The following ENTREP2 variants were observed in gnomAD, a reference collection of about 807,000 sequenced individuals.
ENTREP2 encodes the protein endosomal transmembrane epsin interactor 2, also known as protein ENTREP2.
At chr15:29,162,389 C>T in the ENTREP2 span, among the ~76,000 whole-genome samples, 1 of 152,174 alleles carries the variant, frequency 6.6e-6, no homozygotes, top group Admixed American at 6.5e-5. Context: ...TCTTTTGCAG[C>T]TGGGAGGTGG....
At chr15:29,217,062 AG>A in the ENTREP2 span, among the ~76,000 whole-genome samples, 2 of 152,250 alleles carry the variant, frequency 1.3e-5, no homozygotes, top group African/African-American at 2.4e-5. Flanking sequence ...AAAAGTTAAA[AG>A]GATAAATGGT....
the ENTREP2 span, among the ~76,000 whole-genome samples, chr15:29,372,636 T>C: frequency 6.6e-6 from 1 of 152,178 alleles, no homozygotes; most frequent in Admixed American, 6.6e-5. Context: ...AATCAAATCA[T>C]GGCCACTGTG....
the ENTREP2 span, among the ~76,000 whole-genome samples, chr15:29,512,611 C>T: frequency 6.6e-6 from 1 of 152,258 alleles, no homozygotes; most frequent in Admixed American, 6.5e-5. Flanking sequence ...GAAGAAACAC[C>T]AGAGCTTTCT....
the ENTREP2 span, among the ~76,000 whole-genome samples, chr15:29,466,205 G>A: frequency 3.3e-5 from 5 of 152,190 alleles, no homozygotes; most frequent in Admixed American, 3.3e-4. Flanking sequence ...TCAAAGGGCA[G>A]GTTAAAGAAG....
At chr15:29,575,892 T>C in the ENTREP2 span, among the ~76,000 whole-genome samples, 1 of 152,116 alleles carries the variant, frequency 6.6e-6, no homozygotes, top group Non-Finnish European at 1.5e-5. Flanking sequence ...AGAAAGACAA[T>C]ATTAAGATGA....
chr15:29,637,724 T>G, the ENTREP2 span, among the ~76,000 whole-genome samples: 1 of 152,124 alleles, frequency 6.6e-6, no homozygotes, highest in Admixed American at 6.6e-5. Flanking sequence ...GAATGGGTCA[T>G]GGGATGAGAG....
At chr15:29,470,662 C>G in the ENTREP2 span, among the ~76,000 whole-genome samples, 1 of 152,190 alleles carries the variant, frequency 6.6e-6, no homozygotes. Flanking sequence ...CAAGGTGATG[C>G]GTGTGACTCT....
chr15:29,327,529 AG>A, the ENTREP2 span, among the ~76,000 whole-genome samples: 1 of 150,744 alleles, frequency 6.6e-6, no homozygotes, highest in Non-Finnish European at 1.5e-5. Flanking sequence ...CGGGAGGTAG[AG>A]CTTGCAGTGA....
the ENTREP2 span, among the ~76,000 whole-genome samples, chr15:29,555,191 C>T: frequency 2.6e-5 from 4 of 152,278 alleles, no homozygotes; most frequent in South Asian, 2.1e-4. Context: ...CCCCTTTCCT[C>T]GGGGAACACC....
chr15:29,248,958 T>C, the ENTREP2 span, among the ~76,000 whole-genome samples: 1 of 152,238 alleles, frequency 6.6e-6, no homozygotes, highest in Admixed American at 6.5e-5. Context: ...AGCAGAGATA[T>C]GGTTAAATAA....
the ENTREP2 span, among the ~76,000 whole-genome samples, chr15:29,603,523 G>A: frequency 6.6e-6 from 1 of 152,152 alleles, no homozygotes; most frequent in African/African-American, 2.4e-5. Flanking sequence ...ACAGGGCCTG[G>A]GTGTCAGTGA....
chr15:29,509,581 G>C, the ENTREP2 span, among the ~76,000 whole-genome samples: 1 of 152,036 alleles, frequency 6.6e-6, no homozygotes, highest in Non-Finnish European at 1.5e-5. Flanking sequence ...ACAGAACAGA[G>C]GCCTCAGAAA....
chr15:29,488,194 G>C, the ENTREP2 span, among the ~76,000 whole-genome samples: 1 of 152,184 alleles, frequency 6.6e-6, no homozygotes, highest in Non-Finnish European at 1.5e-5. Flanking sequence ...GGATAAGAAT[G>C]TATGAACAAA....
chr15:29,136,426 G>C, the ENTREP2 span: 3 of 1,542,402 alleles, frequency 1.9e-6, no homozygotes, highest in Admixed American at 4.0e-5. Context: ...CAGCAGGATA[G>C]AGCAGGCCGG....
At chr15:29,534,843 A>T in the ENTREP2 span, among the ~76,000 whole-genome samples, 1 of 152,260 alleles carries the variant, frequency 6.6e-6, no homozygotes, top group East Asian at 1.9e-4. Flanking sequence ...GCACAAAAAA[A>T]GGCACCAATA....
the ENTREP2 span, among the ~76,000 whole-genome samples, chr15:29,302,519 C>T: frequency 7.9e-5 from 12 of 152,134 alleles, no homozygotes; most frequent in Non-Finnish European, 1.5e-4. Context: ...CCATTAACAG[C>T]GAGAGTACTT....
chr15:29,258,230 A>AG, the ENTREP2 span, among the ~76,000 whole-genome samples: 19,601 of 124,406 alleles, frequency 0.16, 1,664 homozygotes, highest in East Asian at 0.46. Context: ...AAAAAAAAAA[A>AG]AAAGAAAGAA....
chr15:29,458,408 C>T, the ENTREP2 span, among the ~76,000 whole-genome samples: 1 of 152,110 alleles, frequency 6.6e-6, no homozygotes, highest in African/African-American at 2.4e-5. Context: ...TTACCAGCAC[C>T]CCTAGCCCAG....
chr15:29,335,312 A>T, the ENTREP2 span, among the ~76,000 whole-genome samples: 2 of 152,200 alleles, frequency 1.3e-5, no homozygotes, highest in Non-Finnish European at 1.5e-5. Context: ...ATGCTTTTTA[A>T]CAAGTAAGCA....
Sources: allele counts gnomAD v4.1 joint callset (sites outside exome capture counted in the v4.1 genomes callset), GRCh38; gene constraint gnomAD v4.1.1; transcripts MANE v1.5; gene names NCBI Gene and HGNC (gene_info 2026-07-23, HGNC 2026-07-21).